Variants in EFCC1 observed in about 807,000 individuals in gnomAD.
EFCC1 encodes EF-hand and coiled-coil domain-containing protein 1.
A neutral mutation model predicts 52.1 loss-of-function variants in EFCC1; 50 were observed. The ratio of observed to expected loss-of-function variants is 0.96; its 90% CI spans 0.76 to 1.21. EFCC1 has a LOEUF of 1.21. Ranked by LOEUF, EFCC1 falls within the 50% of genes most tolerant of loss-of-function variation. The probability of loss-of-function intolerance (pLI) is 0.00; values close to 1 mark genes in which losing one functional copy is unlikely to be tolerated. For synonymous variants in EFCC1, 399 were observed against 396.5 expected, an observed-to-expected ratio of 1.01 and a Z score of -0.08; for missense variants, 837 against 867.3, an observed-to-expected ratio of 0.97 and a Z score of 0.44.
chr3:129,009,411 C>T (rs2092982736), intron 2 of EFCC1, among the ~76,000 whole-genome samples: 1 of 152,172 alleles, frequency 6.6e-6, no homozygotes, highest in African/African-American at 2.4e-5. Flanking sequence ...GGGTGCCAGG[C>T]TAATATCCCC....
intron 2 of EFCC1, among the ~76,000 whole-genome samples, chr3:129,017,781 A>G (rs1945654959): frequency 6.6e-6 from 1 of 152,186 alleles, no homozygotes; most frequent in African/African-American, 2.4e-5. Context: ...ACATCATGCC[A>G]TCTCTGAGTG....
At chr3:129,034,132 C>T (rs757375509) in intron 4 of EFCC1, 32 bp from the exon 5 acceptor site, 2 of 1,613,296 alleles carry the variant, frequency 1.2e-6, no homozygotes, top group South Asian at 1.1e-5. Flanking sequence ...GGAAGCAGCC[C>T]CCTGCAATGC....
Position 129,008,849 on chromosome 3 carries a change from G to A in EFCC1, c.980+4772G>A, listed in dbSNP as rs930299700. 5.3e-5 allele frequency among the ~76,000 whole-genome samples: 8 copies of A among 152,236 alleles called. No individual in the cohort carries two copies. The East Asian group carries it at 1.4e-3, about 26-fold the overall frequency. The stretch of plus-strand genomic sequence containing the variant: ...CTCCTAAGAGGCTCCTGGTCCCCTC[G>A]CAGCCACATCAGCCTCTGATCCTGC... On this transcript the variant is annotated intron_variant, in intron 2 of 7. Transcript: ENST00000683648.
chr3:129,033,278 C>T (rs1946308837), intron 4 of EFCC1, among the ~76,000 whole-genome samples: 1 of 152,174 alleles, frequency 6.6e-6, no homozygotes, highest in South Asian at 2.1e-4. Context: ...CCCAACCCAT[C>T]ACCCCTCGCC....
chr3:129,023,382 G>A lies in EFCC1; in HGVS notation c.981-7321G>A, dbSNP rs138728914. 2.8e-3 allele frequency among the ~76,000 whole-genome samples: 421 copies of A among 151,104 alleles called. 2 individuals carry two copies. The highest frequency in any genetic ancestry group is 9.4e-3 in the African/African-American group (384 of 41,064). The stretch of plus-strand genomic sequence containing the variant: ...CCCAGGCTAGAGTGCAGGCTAGAGC[G>A]CAGTGGTGCGATCTTGGCTCACTGC... On this transcript the variant is annotated intron_variant, in intron 2 of 7. Transcript: ENST00000683648.
chr3:129,006,191 C>A (rs1945066398), intron 2 of EFCC1, among the ~76,000 whole-genome samples: 1 of 152,248 alleles, frequency 6.6e-6, no homozygotes, highest in Admixed American at 6.5e-5. Flanking sequence ...TGCCTGTGTG[C>A]TTCGATTCAC....
chr3:129,003,190 G>A, intron 1 of EFCC1: 1 of 983,120 alleles, frequency 1.0e-6, no homozygotes. Context: ...TGGAAGCCAG[G>A]GTGGAGGCGG....
chr3:129,039,094 C>CAGA (rs1397391605), intron 7 of EFCC1, among the ~76,000 whole-genome samples, 194 bp downstream of exon 7: 1 of 152,236 alleles, frequency 6.6e-6, no homozygotes, highest in Non-Finnish European at 1.5e-5. Context: ...AAGTGCCAGA[C>CAGA]AGAAGCCCAG....
At chr3:129,038,786 C>G (rs757641354) in intron 6 of EFCC1, 45 bp from the exon 7 acceptor site, 2 of 1,595,676 alleles carry the variant, frequency 1.3e-6, no homozygotes, top group African/African-American at 2.7e-5. Flanking sequence ...TGAACAGGGA[C>G]ACAGCAACCA....
chr3:129,031,224 GT>G (rs1946266676), intron 3 of EFCC1, among the ~76,000 whole-genome samples: 2 of 152,188 alleles, frequency 1.3e-5, no homozygotes, highest in South Asian at 4.1e-4. Context: ...GAGCTCAGGG[GT>G]TCGAAACCAG....
intron 6 of EFCC1, among the ~76,000 whole-genome samples, chr3:129,038,311 G>A (rs1425974171): frequency 6.6e-6 from 1 of 152,160 alleles, no homozygotes; most frequent in African/African-American, 2.4e-5. Flanking sequence ...GCAGAGACCT[G>A]GGGATGGGCC....
intron 2 of EFCC1, among the ~76,000 whole-genome samples, chr3:129,018,143 AG>A (rs1183111542): frequency 6.6e-6 from 1 of 152,162 alleles, no homozygotes; most frequent in African/African-American, 2.4e-5. Flanking sequence ...TAGTTATCTT[AG>A]GAAATCCAGA....
chr3:129,013,423 G>A (rs1360770101), intron 2 of EFCC1, among the ~76,000 whole-genome samples: 2 of 152,106 alleles, frequency 1.3e-5, no homozygotes, highest in Admixed American at 1.3e-4. Flanking sequence ...CTTCAGGCAT[G>A]GCTAGATCCA....
chr3:129,034,080 ACAC>A, intron 4 of EFCC1, 81 bp from the exon 5 acceptor site: 8 of 1,568,420 alleles, frequency 5.1e-6, no homozygotes, highest in South Asian at 1.2e-5. Context: ...GGCCAACTCC[ACAC>A]CACCACCACC....
intron 2 of EFCC1, among the ~76,000 whole-genome samples, chr3:129,013,207 G>T (rs561640011): frequency 6.6e-6 from 1 of 152,162 alleles, no homozygotes; most frequent in South Asian, 2.1e-4. Context: ...TGTTTTGACG[G>T]TACAGCCTTG....
intron 2 of EFCC1, among the ~76,000 whole-genome samples, chr3:129,009,880 C>T (rs917031499): frequency 3.3e-5 from 5 of 152,184 alleles, no homozygotes; most frequent in Non-Finnish European, 7.3e-5. Flanking sequence ...TCTGTAACCT[C>T]GCCAACCTGT....
intron 3 of EFCC1, among the ~76,000 whole-genome samples, chr3:129,032,363 A>G (rs2107936450): frequency 6.6e-6 from 1 of 152,168 alleles, no homozygotes; most frequent in East Asian, 1.9e-4. Flanking sequence ...AAAACAGGGA[A>G]GAAGCCAGGC....
At chr3:129,037,858 C>T (rs903138542) in intron 6 of EFCC1, among the ~76,000 whole-genome samples, 1 of 148,692 alleles carries the variant, frequency 6.7e-6, no homozygotes, top group Non-Finnish European at 1.5e-5. Context: ...CTCAGGAGTT[C>T]GAGACCAGCC....
At chr3:129,017,641 C>T (rs1424434236) in intron 2 of EFCC1, among the ~76,000 whole-genome samples, 1 of 152,226 alleles carries the variant, frequency 6.6e-6, no homozygotes, top group Non-Finnish European at 1.5e-5. Flanking sequence ...ACGACCTGCC[C>T]CATGTCCTTC....
Sources: gnomAD v4.1 joint callset for allele counts (sites outside exome capture counted in the v4.1 genomes callset) on GRCh38, gnomAD v4.1.1 for gene constraint, MANE v1.5 for transcripts, NCBI Gene and HGNC (gene_info 2026-07-23, HGNC 2026-07-21) for gene names.